The following ZBBX variants were observed in gnomAD, a reference collection of about 807,000 sequenced individuals.
ZBBX encodes zinc finger B-box domain-containing protein 1.
Under a neutral mutation model 108.5 loss-of-function variants are expected in ZBBX, and 101 were observed. The observed-to-expected ratio is 0.93, with a 90% CI of 0.79 to 1.10. The LOEUF is 1.10. ZBBX is among the 50% of genes least tolerant of loss of function. The probability of loss-of-function intolerance (pLI) is 0.00; values close to 1 mark genes in which losing one functional copy is unlikely to be tolerated. For missense variants in ZBBX, 1,009 were observed against 941.4 expected, an observed-to-expected ratio of 1.07 and a Z score of -0.94; for synonymous variants, 356 against 323.4, an observed-to-expected ratio of 1.10 and a Z score of -1.08.
chr3:167,215,053 C>A, the ZBBX span, among the ~76,000 whole-genome samples: 3 of 151,972 alleles, frequency 2.0e-5, no homozygotes, highest in Admixed American at 6.6e-5. Context: ...AATTTAACAA[C>A]CTAACTTCGC....
intron 6 of ZBBX, among the ~76,000 whole-genome samples, chr3:167,363,276 T>A (rs1485964522): frequency 6.6e-6 from 1 of 151,980 alleles, no homozygotes; most frequent in Non-Finnish European, 1.5e-5. Flanking sequence ...TTGCTGCTAA[T>A]CCCCAACCAC....
chr3:167,179,824 ATTAGTT>A, the ZBBX span, among the ~76,000 whole-genome samples: 1 of 152,218 alleles, frequency 6.6e-6, no homozygotes, highest in African/African-American at 2.4e-5. Flanking sequence ...GGAGAATCCA[ATTAGTT>A]AATTTCAAAA....
At chr3:167,239,525 A>G (rs1393059637), downstream of ZBBX, among the ~76,000 whole-genome samples, 11 of 152,184 alleles carry the variant, frequency 7.2e-5, no homozygotes, top group Non-Finnish European at 4.4e-5. Flanking sequence ...TGAATATTAA[A>G]TATATTTTCT....
chr3:167,247,409 C>T (rs892610103), intron 20 of ZBBX, among the ~76,000 whole-genome samples: 1 of 152,282 alleles, frequency 6.6e-6, no homozygotes, highest in African/African-American at 2.4e-5. Flanking sequence ...CTTCTCGCTT[C>T]CCCATCAGCG....
intron 20 of ZBBX, among the ~76,000 whole-genome samples, chr3:167,280,733 A>C (rs2108519055): frequency 6.6e-6 from 1 of 151,628 alleles, no homozygotes; most frequent in South Asian, 2.1e-4. Context: ...ATACCATTTG[A>C]CCCAGCCATC....
chr3:167,366,570 A>G (rs1745351407), intron 5 of ZBBX, among the ~76,000 whole-genome samples: 1 of 151,880 alleles, frequency 6.6e-6, no homozygotes, highest in Admixed American at 6.6e-5. Flanking sequence ...AATAAGACAA[A>G]AAGTTGCCCA....
At chr3:167,331,493 G>C in intron 10 of ZBBX, 1 of 913,812 alleles carries the variant, frequency 1.1e-6, no homozygotes, top group Non-Finnish European at 1.3e-6. Flanking sequence ...CAGCCCTCCA[G>C]GGAAGCTTCC....
intron 20 of ZBBX, among the ~76,000 whole-genome samples, chr3:167,262,159 G>T (rs902129544): frequency 6.6e-6 from 1 of 151,750 alleles, no homozygotes; most frequent in African/African-American, 2.4e-5. Context: ...GGAAGAGGGG[G>T]TCTCTCTTTC....
At chr3:167,219,789 T>G in the ZBBX span, among the ~76,000 whole-genome samples, 1 of 151,506 alleles carries the variant, frequency 6.6e-6, no homozygotes, top group Non-Finnish European at 1.5e-5. Flanking sequence ...GAAACTGGAT[T>G]TAAAAAACTA....
chr3:167,276,480 A>C (rs2108498706), intron 20 of ZBBX, among the ~76,000 whole-genome samples: 1 of 152,316 alleles, frequency 6.6e-6, no homozygotes, highest in South Asian at 2.1e-4. Context: ...AATCAACTGG[A>C]AGAAAGGGTA....
rs185549569 is a variant in ZBBX, at chr3:167,256,599, C to T, written c.2255-13956G>A. ...GGACCCATTAACCATCCCACCTCCACCCCACCCCACCCCACCCCACCCCAC... is the reference window on the plus strand; with the variant it reads ...GGACCCATTAACCATCCCACCTCCATCCCACCCCACCCCACCCCACCCCAC... On this transcript the variant is annotated intron_variant, in intron 20 of 21. Transcript: ENST00000675490. Among the ~76,000 whole-genome samples, 1,206 of 125,946 alleles carry T rather than the reference C, an allele frequency of 9.6e-3. 19 individuals are homozygous for T. The highest frequency in any genetic ancestry group is 0.035 in the African/African-American group (1,139 of 32,212). 82.6% of individuals were successfully genotyped at this position (125,946 alleles called of 152,430 possible).
At chr3:167,287,224 T>G (rs1729866268) in intron 19 of ZBBX, among the ~76,000 whole-genome samples, 1 of 152,172 alleles carries the variant, frequency 6.6e-6, no homozygotes, top group African/African-American at 2.4e-5. Flanking sequence ...TTTATAAAAC[T>G]TATATGTGGT....
intron 12 of ZBBX, among the ~76,000 whole-genome samples, chr3:167,318,138 G>A (rs1735774107): frequency 6.6e-6 from 1 of 151,938 alleles, no homozygotes; most frequent in Admixed American, 6.6e-5. Context: ...GGAAGGCAGT[G>A]AAGCCCAGGA....
chr3:167,263,033 T>A (rs1246069797), intron 20 of ZBBX, among the ~76,000 whole-genome samples: 1 of 104,636 alleles, frequency 9.6e-6, no homozygotes, highest in Admixed American at 1.3e-4. Context: ...GCTTTTCTAG[T>A]TCTTTTTTTT....
intron 20 of ZBBX, among the ~76,000 whole-genome samples, chr3:167,270,374 AT>A (rs1279254404): frequency 2.0e-5 from 3 of 152,206 alleles, no homozygotes; most frequent in Non-Finnish European, 4.4e-5. Flanking sequence ...GTAAGCTGCT[AT>A]ACCAGAAGCC....
chr3:167,251,979 T>G, intron 20 of ZBBX: 1 of 398,266 alleles, frequency 2.5e-6, no homozygotes, highest in South Asian at 2.0e-5. Flanking sequence ...TGCTAGGTAC[T>G]TCTAGAATGG....
chr3:167,313,633 T>A (rs1208111762), intron 16 of ZBBX, among the ~76,000 whole-genome samples: 2 of 152,070 alleles, frequency 1.3e-5, no homozygotes, highest in Non-Finnish European at 2.9e-5. Flanking sequence ...TATATCAGAT[T>A]TGAATATTTT....
chr3:167,349,495 A>G (rs954855561), intron 9 of ZBBX, among the ~76,000 whole-genome samples: 6 of 152,032 alleles, frequency 3.9e-5, no homozygotes, highest in African/African-American at 1.4e-4. Flanking sequence ...AATATTAGTT[A>G]GGTATATTTT....
At chr3:167,277,957 A>G (rs934824494) in intron 20 of ZBBX, among the ~76,000 whole-genome samples, 3 of 150,178 alleles carry the variant, frequency 2.0e-5, no homozygotes, top group Admixed American at 6.7e-5. Flanking sequence ...ACTCAAAACC[A>G]CTCAACTACA....
Sources: allele counts gnomAD v4.1 joint callset (sites outside exome capture counted in the v4.1 genomes callset), GRCh38; gene constraint gnomAD v4.1.1; transcripts MANE v1.5; gene names NCBI Gene and HGNC (gene_info 2026-07-23, HGNC 2026-07-21).